The following FOXP2 variants were observed in gnomAD, a reference collection of about 807,000 sequenced individuals.
FOXP2 encodes the protein forkhead box P2.
A neutral mutation model predicts 115.8 loss-of-function variants in FOXP2; 12 were observed. The observed-to-expected ratio is 0.10, with a 90% CI of 0.07 to 0.17. The LOEUF (loss-of-function observed/expected upper bound fraction) is 0.17, where lower values mean the gene tolerates loss of function less well. Ranked by LOEUF, FOXP2 falls within the 10% of genes least tolerant of loss-of-function variation. FOXP2 has a pLI of 1.00. For missense variants in FOXP2, 629 were observed against 843.5 expected (o/e 0.75, Z 3.15); for synonymous variants, 328 against 297.7 (o/e 1.10, Z -1.05).
At position 114,644,775 on chromosome 7, in the gene FOXP2, T is replaced by G. The variant is rs748597582; in HGVS notation, c.1080T>G (p.Phe360Leu). 2 of 1,613,856 alleles carry G rather than the reference T, an allele frequency of 1.2e-6. No homozygotes were observed. The highest frequency in any genetic ancestry group is 2.2e-5 in the South Asian group (2 of 91,080). ...GCTGTGAAAGCATTTGTGAAGATTT[T>G]GGACAGTTTTTAAAGTAGGTTTTTT... ...WPGCESICED[F>L]GQFLKHLNNE... The change falls in exon 8 of 17, where the codon TTT (phenylalanine) becomes TTG (leucine). Residue 360 changes from phenylalanine (F) to leucine (L), a missense_variant. Physicochemically the swap from Phe to Leu is conservative, Grantham distance 22. Transcript: ENST00000350908.
At chr7:114,429,366 T>C (rs945491188) in intron 2 of FOXP2, among the ~76,000 whole-genome samples, 7 of 151,452 alleles carry the variant, frequency 4.6e-5, no homozygotes, top group African/African-American at 1.4e-4. Context: ...TGCTATCTTA[T>C]ATTTACTGAA....
At chr7:114,145,359 T>C (rs1169887118) in intron 1 of FOXP2, among the ~76,000 whole-genome samples, 3 of 152,150 alleles carry the variant, frequency 2.0e-5, no homozygotes, top group Non-Finnish European at 2.9e-5. Flanking sequence ...TAACAAATAG[T>C]AAACATTCTG....
intron 3 of FOXP2, among the ~76,000 whole-genome samples, chr7:114,538,754 T>G (rs1259860119): frequency 6.6e-6 from 1 of 151,834 alleles, no homozygotes; most frequent in Non-Finnish European, 1.5e-5. Flanking sequence ...TGGGTATATC[T>G]TGTTGGATAT....
intron 1 of FOXP2, among the ~76,000 whole-genome samples, chr7:114,244,893 C>CT (rs1338518623): frequency 6.6e-6 from 1 of 151,834 alleles, no homozygotes; most frequent in Non-Finnish European, 1.5e-5. Flanking sequence ...TCCCGAGTAG[C>CT]TAGGACTACA....
chr7:114,133,842 CT>C (rs1791955530), intron 1 of FOXP2, among the ~76,000 whole-genome samples: 1 of 152,168 alleles, frequency 6.6e-6, no homozygotes, highest in Non-Finnish European at 1.5e-5. Flanking sequence ...GCTACATCTG[CT>C]TTGACTTCTC....
chr7:114,437,916 G>C (rs957775898), intron 2 of FOXP2, among the ~76,000 whole-genome samples: 4 of 152,122 alleles, frequency 2.6e-5, no homozygotes, highest in Non-Finnish European at 4.4e-5. Flanking sequence ...ATTGAGACGT[G>C]CTTTAAGTGT....
intron 2 of FOXP2, among the ~76,000 whole-genome samples, chr7:114,409,123 A>G (rs2129198266): frequency 6.6e-6 from 1 of 152,206 alleles, no homozygotes; most frequent in South Asian, 2.1e-4. Context: ...TGACCGTTAA[A>G]TTTGGTTTAG....
intron 2 of FOXP2, among the ~76,000 whole-genome samples, chr7:114,497,501 T>C (rs1797372630): frequency 6.6e-6 from 1 of 151,844 alleles, no homozygotes; most frequent in Admixed American, 6.6e-5. Context: ...TACAAAAAAT[T>C]AGCCAGGTGT....
At chr7:114,661,938 G>T in intron 13 of FOXP2, 127 bp from the exon 14 acceptor site, 3 of 1,216,038 alleles carry the variant, frequency 2.5e-6, no homozygotes, top group South Asian at 2.7e-5. Context: ...GCCATATTTT[G>T]ATTTTAATAC....
At chr7:114,277,701 A>G (rs758197584) in intron 1 of FOXP2, among the ~76,000 whole-genome samples, 12 of 151,916 alleles carry the variant, frequency 7.9e-5, no homozygotes, top group Non-Finnish European at 1.8e-4. Context: ...TCACTTATTG[A>G]CCTTGATAAT....
intron 2 of FOXP2, among the ~76,000 whole-genome samples, chr7:114,523,024 CATTT>C: frequency 6.6e-6 from 1 of 151,782 alleles, no homozygotes; most frequent in Middle Eastern, 3.4e-3. Flanking sequence ...TTTCTTCTTT[CATTT>C]ATTTCATTCT....
chr7:114,271,701 T>C (rs1796052713), intron 1 of FOXP2, among the ~76,000 whole-genome samples: 1 of 117,034 alleles, frequency 8.5e-6, no homozygotes, highest in Non-Finnish European at 1.6e-5. Flanking sequence ...ATATATTTAA[T>C]ATATTATTTA....
chr7:114,335,199 C>T (rs1797821424), intron 2 of FOXP2, among the ~76,000 whole-genome samples: 1 of 151,152 alleles, frequency 6.6e-6, no homozygotes, highest in Admixed American at 6.6e-5. Flanking sequence ...TTTCCATTTC[C>T]ACATCCAATA....
intron 2 of FOXP2, among the ~76,000 whole-genome samples, chr7:114,342,353 A>C: frequency 6.6e-6 from 1 of 151,564 alleles, no homozygotes; most frequent in African/African-American, 2.4e-5. Flanking sequence ...ATACTTAAAC[A>C]TAAAAGTTTA....
chr7:114,341,786 T>C (rs1325046999), intron 2 of FOXP2, among the ~76,000 whole-genome samples: 1 of 151,380 alleles, frequency 6.6e-6, no homozygotes, highest in Non-Finnish European at 1.5e-5. Context: ...TTCCCCTTCT[T>C]CACCTTTATG....
rs868540432 is a variant in FOXP2, at chr7:114,313,769, T to A, written c.-11+25660T>A. On this transcript the variant is annotated intron_variant, in intron 2 of 17. Coordinates refer to the FOXP2 transcript ENST00000634411. ...CAAAAAAAAAAAAAAAAAACAAAAA[T>A]ATTGTCATTATTTGAAATTGTATAA... Among the ~76,000 whole-genome samples the A allele has an allele frequency of 4.3e-3, 625 of 144,940 alleles. 98 individuals are homozygous for A. The highest frequency in any genetic ancestry group is 0.012 in the African/African-American group (481 of 40,052).
intron 1 of FOXP2, among the ~76,000 whole-genome samples, chr7:114,124,125 T>C (rs1390601067): frequency 6.6e-6 from 1 of 152,068 alleles, no homozygotes; most frequent in Non-Finnish European, 1.5e-5. Flanking sequence ...ATCCTCTAAC[T>C]ACAGTCAAAA....
At chr7:114,373,690 T>C (rs1792071030) in intron 2 of FOXP2, among the ~76,000 whole-genome samples, 1 of 152,216 alleles carries the variant, frequency 6.6e-6, no homozygotes, top group Non-Finnish European at 1.5e-5. Flanking sequence ...TTTGTCAGAA[T>C]ACCAAAAAGA....
chr7:114,310,806 C>T (rs1797130899), intron 2 of FOXP2, among the ~76,000 whole-genome samples: 1 of 152,000 alleles, frequency 6.6e-6, no homozygotes, highest in Non-Finnish European at 1.5e-5. Flanking sequence ...TTAAGGGACA[C>T]TTTTTTAAGA....
Sources: gnomAD v4.1 joint callset for allele counts (sites outside exome capture counted in the v4.1 genomes callset) on GRCh38, gnomAD v4.1.1 for gene constraint, MANE v1.5 for transcripts, NCBI Gene and HGNC (gene_info 2026-07-23, HGNC 2026-07-21) for gene names.